Variants in VPS53 observed in about 807,000 individuals in gnomAD.
The protein encoded by VPS53 is VPS53 subunit of GARP complex, also known as vacuolar protein sorting-associated protein 53 homolog.
VPS53 carries 70 observed loss-of-function variants against 107.0 expected under a neutral mutation model. The observed-to-expected ratio is 0.65, with a 90% CI of 0.54 to 0.80. The LOEUF (loss-of-function observed/expected upper bound fraction) is 0.80. VPS53 is among the 30% of genes least tolerant of loss of function. VPS53 has a pLI of 0.00. For missense variants in VPS53, 917 were observed against 1,049.4 expected (o/e 0.87, Z 1.74); for synonymous variants, 409 against 393.3 (o/e 1.04, Z -0.47).
chr17:710,736 T>C (rs1407160174), intron 1 of VPS53, 123 bp from the exon 2 acceptor site: 2 of 655,618 alleles, frequency 3.1e-6, no homozygotes, highest in Non-Finnish European at 5.1e-6. Flanking sequence ...TCACAGCACT[T>C]TGGGAGGCCA....
At chr17:660,196 G>C (rs747201984) in intron 5 of VPS53, among the ~76,000 whole-genome samples, 2 of 152,198 alleles carry the variant, frequency 1.3e-5, no homozygotes, top group African/African-American at 4.8e-5. Context: ...ATGCATCCTA[G>C]AACAAGTTTC....
intron 1 of VPS53, chr17:714,184 C>T (rs1233686804): frequency 5.8e-6 from 1 of 171,138 alleles, no homozygotes; most frequent in Non-Finnish European, 1.2e-5. Flanking sequence ...CACTTTCTCT[C>T]TTCTCTGCCG....
intron 7 of VPS53, among the ~76,000 whole-genome samples, chr17:647,502 G>A (rs904828022): frequency 6.6e-6 from 1 of 152,234 alleles, no homozygotes; most frequent in Non-Finnish European, 1.5e-5. Flanking sequence ...ATCATCCTGA[G>A]AGCAGGGGTA....
At chr17:706,904 T>G (rs894819878) in intron 2 of VPS53, among the ~76,000 whole-genome samples, 7 of 152,094 alleles carry the variant, frequency 4.6e-5, no homozygotes, top group Non-Finnish European at 1.0e-4. Context: ...CTGCCTGTAG[T>G]CTCTCCCCAC....
intron 4 of VPS53, among the ~76,000 whole-genome samples, chr17:691,913 C>A (rs571289207): frequency 3.3e-5 from 5 of 152,146 alleles, no homozygotes; most frequent in Non-Finnish European, 5.9e-5. Flanking sequence ...GGAAAAAATA[C>A]GGCATATATA....
chr17:676,900 C>CT (rs1328860666), intron 4 of VPS53, among the ~76,000 whole-genome samples: 1 of 151,294 alleles, frequency 6.6e-6, no homozygotes, highest in African/African-American at 2.4e-5. Context: ...CATACAAAAG[C>CT]TTAAGATTCT....
Position 628,218 on chromosome 17 carries a change from G to C in VPS53, c.701C>G (p.Pro234Arg). 6.2e-7 allele frequency: 1 copy of C among 1,613,500 alleles called. No homozygotes were observed. The highest frequency in any genetic ancestry group is 8.5e-7 in the Non-Finnish European group (1 of 1,179,850). ...ACATGCATCTCGTAGAACATTGCTGGGTCCTCCTGGTCTCTAGTAAAACAA... is the reference window on the plus strand; with the variant it reads ...ACATGCATCTCGTAGAACATTGCTGCGTCCTCCTGGTCTCTAGTAAAACAA... ...PSQGTKRPGGPSNVLRDACLV... is the reference protein window; with the variant it reads ...PSQGTKRPGGRSNVLRDACLV... The change falls in exon 9 of 22, where the codon CCC becomes CGC. Residue 234 changes from proline (P) to arginine (R), a missense_variant. Pro to Arg is a moderately radical substitution (Grantham distance 103, BLOSUM62 -2). Transcript: ENST00000437048.
At chr17:526,062 G>A (rs1415965898) in intron 19 of VPS53, among the ~76,000 whole-genome samples, 1 of 149,516 alleles carries the variant, frequency 6.7e-6, no homozygotes, top group East Asian at 1.9e-4. Context: ...ATTTTGCTGA[G>A]CTGAGTAGTT....
At chr17:554,537 GGGACTACA>G (rs1364002664) in intron 15 of VPS53, among the ~76,000 whole-genome samples, 1 of 152,116 alleles carries the variant, frequency 6.6e-6, no homozygotes, top group Non-Finnish European at 1.5e-5. Flanking sequence ...CCGAGTAGCT[GGGACTACA>G]GGCGTGCATC....
chr17:675,533 G>A (rs1042035734), intron 4 of VPS53: 1 of 152,138 alleles, frequency 6.6e-6, no homozygotes, highest in Admixed American at 6.5e-5. Flanking sequence ...CAACACTTTG[G>A]GAGGCAGAGG....
rs894221045 is a variant in VPS53 at position 517,789 on chromosome 17, G to A, written c.*1339C>T. ...ACCTGCCTCAGCCTCCCAAAGTGCT[G>A]TGATTACAGGCATGAGCCACCACAC... On this transcript the variant is annotated 3_prime_UTR_variant, in exon 22 of 22. Coordinates refer to ENST00000437048, the MANE Select transcript of VPS53 (RefSeq NM_001128159.3). 4 of 183,862 alleles carry A rather than the reference G, an allele frequency of 2.2e-5. No individual in the cohort carries two copies. The highest frequency in any genetic ancestry group is 9.3e-5 in the African/African-American group (4 of 42,828). The allele number at this position is 183,862 out of a possible 1,614,324, so 11.4% of individuals were successfully genotyped here. A position where few individuals can be genotyped will look rare whatever the true frequency, so the allele number is the denominator to read the frequency against.
chr17:532,537 G>C, intron 19 of VPS53: 2 of 402,756 alleles, frequency 5.0e-6, no homozygotes, highest in Non-Finnish European at 7.7e-6. Flanking sequence ...TGGGGTTACA[G>C]CGTGAGCCGC....
At chr17:559,957 T>A (rs1912781776) in intron 15 of VPS53, among the ~76,000 whole-genome samples, 1 of 152,242 alleles carries the variant, frequency 6.6e-6, no homozygotes, top group Non-Finnish European at 1.5e-5. Context: ...AAACAATGGC[T>A]ATTTGTTGAG....
intron 13 of VPS53, among the ~76,000 whole-genome samples, chr17:583,159 G>C (rs1967134859): frequency 6.7e-6 from 1 of 149,554 alleles, no homozygotes; most frequent in South Asian, 2.1e-4. Context: ...AGAACCTAAT[G>C]CGTTCCCAAA....
chr17:625,217 A>G (rs1017890135), intron 10 of VPS53, among the ~76,000 whole-genome samples: 5 of 151,764 alleles, frequency 3.3e-5, no homozygotes, highest in African/African-American at 1.2e-4. Context: ...TCAAACTCCT[A>G]GGCTCATATG....
chr17:605,137 T>C (rs1968506615), intron 11 of VPS53, among the ~76,000 whole-genome samples: 1 of 152,134 alleles, frequency 6.6e-6, no homozygotes, highest in Non-Finnish European at 1.5e-5. Context: ...GAACAGCACG[T>C]GTCTGCCGCT....
intron 17 of VPS53, among the ~76,000 whole-genome samples, chr17:542,948 A>T (rs1018171237): frequency 1.3e-5 from 2 of 151,246 alleles, no homozygotes; most frequent in African/African-American, 2.4e-5. Context: ...ACTGCACTCC[A>T]GCCTGCCGGA....
At chr17:585,917 T>C (rs778312016) in intron 13 of VPS53, among the ~76,000 whole-genome samples, 7 of 152,196 alleles carry the variant, frequency 4.6e-5, no homozygotes, top group Non-Finnish European at 8.8e-5. Context: ...GGATAAATTA[T>C]ACTTGAAAAC....
intron 13 of VPS53, among the ~76,000 whole-genome samples, chr17:578,129 A>G (rs1421497544): frequency 6.6e-6 from 1 of 151,276 alleles, no homozygotes; most frequent in Non-Finnish European, 1.5e-5. Context: ...AACCTTCCTA[A>G]GCAGGTAATT....
Sources: gnomAD v4.1 joint callset for allele counts (sites outside exome capture counted in the v4.1 genomes callset) on GRCh38, gnomAD v4.1.1 for gene constraint, MANE v1.5 for transcripts, NCBI Gene and HGNC (gene_info 2026-07-23, HGNC 2026-07-21) for gene names.